Variants in GREB1 observed in about 807,000 individuals in gnomAD.
The protein encoded by GREB1 is protein GREB1.
GREB1 carries 106 observed loss-of-function variants against 200.7 expected under a neutral mutation model. That is an observed-to-expected ratio of 0.53 (90% CI 0.45 to 0.62). The LOEUF (loss-of-function observed/expected upper bound fraction) is 0.62. Ranked by LOEUF, GREB1 falls within the 20% of genes least tolerant of loss-of-function variation. The probability of loss-of-function intolerance (pLI) is 0.00; values close to 1 mark genes in which losing one functional copy is unlikely to be tolerated. For synonymous variants in GREB1, 1,132 were observed against 1,092.4 expected (o/e 1.04, Z -0.72); for missense variants, 2,243 against 2,556.8 (o/e 0.88, Z 2.65).
intron 4 of GREB1, among the ~76,000 whole-genome samples, chr2:11,568,466 G>A (rs767106756): frequency 6.6e-6 from 1 of 152,240 alleles, no homozygotes; most frequent in Non-Finnish European, 1.5e-5. Context: ...TGGAGTCACT[G>A]TAACTAGTTC....
At chr2:11,497,443 G>A (rs1028070959) in intron 1 of GREB1, among the ~76,000 whole-genome samples, 4 of 152,150 alleles carry the variant, frequency 2.6e-5, no homozygotes, top group African/African-American at 7.2e-5. Context: ...CTTGTGTACA[G>A]GTTTTTGTGT....
intron 1 of GREB1, among the ~76,000 whole-genome samples, chr2:11,491,701 G>GGTCTTAAGTAAT (rs1326772840): frequency 2.0e-5 from 3 of 152,164 alleles, no homozygotes; most frequent in Non-Finnish European, 4.4e-5. Flanking sequence ...GCATGTAGTA[G>GGTCTTAAGTAAT]GTCTTAAGTA....
At chr2:11,506,724 T>G (rs1391237051) in intron 1 of GREB1, among the ~76,000 whole-genome samples, 2 of 152,134 alleles carry the variant, frequency 1.3e-5, no homozygotes, top group Non-Finnish European at 2.9e-5. Flanking sequence ...TGGGGAGGCT[T>G]GGGAACTGGC....
rs1274830263 is a variant in GREB1 at position 11,632,963 on chromosome 2, G to C, written c.4891G>C (p.Gly1631Arg). ...CGAGCGGAACCGGCAGGAGGAGCTGGGAATCAAGCCGCAGGACATCTGGCC... is the reference window on the plus strand; with the variant it reads ...CGAGCGGAACCGGCAGGAGGAGCTGCGAATCAAGCCGCAGGACATCTGGCC... ...ELERNRQEEL[G>R]IKPQDIWPFI... is the part of the protein sequence containing the mutation. The change falls in exon 28 of 33, where the codon GGA (glycine) becomes CGA (arginine). Residue 1631 changes from glycine (G) to arginine (R), a missense_variant. Coordinates refer to ENST00000381486, the MANE Select transcript of GREB1 (RefSeq NM_014668.4). 6.2e-7 allele frequency: 1 copy of C among 1,614,174 alleles called. No individual in the cohort carries two copies. Among genetic ancestry groups the C allele is most frequent in the Non-Finnish European group, 8.5e-7 (1 of 1,180,022 alleles).
intron 1 of GREB1, among the ~76,000 whole-genome samples, chr2:11,486,539 A>G (rs1459252259): frequency 6.6e-6 from 1 of 152,060 alleles, no homozygotes; most frequent in Non-Finnish European, 1.5e-5. Context: ...AAATTTAAGA[A>G]AATACAGAAG....
chr2:11,515,310 T>C (rs1045609545), intron 1 of GREB1, among the ~76,000 whole-genome samples: 1 of 152,218 alleles, frequency 6.6e-6, no homozygotes, highest in African/African-American at 2.4e-5. Flanking sequence ...GATGATGTGC[T>C]CAAAGAACAG....
At chr2:11,514,406 C>T (rs13430148) in intron 1 of GREB1, among the ~76,000 whole-genome samples, 23,528 of 152,174 alleles carry the variant, frequency 0.15, 2,076 homozygotes, top group African/African-American at 0.23. Context: ...AGATCCTACA[C>T]CCTTTTCACT....
At chr2:11,627,355 T>C (rs1162545911) in intron 25 of GREB1, among the ~76,000 whole-genome samples, 4 of 152,212 alleles carry the variant, frequency 2.6e-5, no homozygotes, top group Admixed American at 6.5e-5. Context: ...TCGTCATCTT[T>C]AGGTCCCAAT....
rs56763287 is a variant in GREB1 at position 11,548,176 on chromosome 2, C to CAAA, written c.-161-8267_-161-8265dup. Among the ~76,000 whole-genome samples the CAAA allele has an allele frequency of 2.2e-5, 3 of 136,884 alleles. No homozygotes were observed. The highest frequency in any genetic ancestry group is 8.0e-5 in the African/African-American group (3 of 37,702). The allele number at this position is 136,884 out of a possible 152,430, so 89.8% of individuals were successfully genotyped here. A position where few individuals can be genotyped will look rare whatever the true frequency, so the allele number is the denominator to read the frequency against. ...GGGCAACAGAGCAAGACCCTGTCTC[C>CAAA]AAAAAAAAAAAAACCCACCACACAT... On this transcript the variant is annotated intron_variant, in intron 1 of 32. Transcript: ENST00000381486. The surrounding 1 kb of genome is among the most constrained non-coding windows in gnomAD (Gnocchi z 5.1).
chr2:11,587,717 AC>A, intron 9 of GREB1: 1 of 1,183,034 alleles, frequency 8.5e-7, no homozygotes, highest in Non-Finnish European at 1.0e-6. Flanking sequence ...ACACACACAC[AC>A]ACACACACAC....
rs776526770 is a variant in GREB1, at chr2:11,602,476, G to C, written c.2600G>C (p.Gly867Ala). Residue 867 changes from glycine to alanine, a missense_variant, in exon 17 of 33, where the codon GGA becomes GCA. Physicochemically the swap from Gly to Ala is moderately conservative, Grantham distance 60 (BLOSUM62 0). Transcript: ENST00000381486. ...LSEFIESTLS[G>A]HSLPLLRYDS... ...GAGTTTATTGAATCCACCCTTTCAGGACACAGCCTCCCCTTGCTCAGATAC... is the reference window on the plus strand; with the variant it reads ...GAGTTTATTGAATCCACCCTTTCAGCACACAGCCTCCCCTTGCTCAGATAC... The C allele has an allele frequency of 1.4e-5, 22 of 1,613,128 alleles. No homozygotes were observed. Among genetic ancestry groups the C allele is most frequent in the Non-Finnish European group, 1.9e-5 (22 of 1,179,198 alleles).
Position 11,492,151 on chromosome 2 carries a change from C to T in GREB1, c.-159+9770C>T, listed in dbSNP as rs780215014. Among the ~76,000 whole-genome samples, 2 of 150,238 alleles carry T rather than the reference C, an allele frequency of 1.3e-5. No individual in the cohort carries two copies. Among genetic ancestry groups the T allele is most frequent in the East Asian group, 1.9e-4 (1 of 5,192 alleles). On this transcript the variant is annotated intron_variant, in intron 1 of 2. Coordinates refer to the GREB1 transcript ENST00000628795. This position sits in a 1 kb window ranked among gnomAD's most constrained non-coding sequence, Gnocchi z 4.0. The stretch of plus-strand genomic sequence containing the variant: ...ATGCATCGTTTCCATGGTCATTTAA[C>T]GTGGCACTTTACTCTGGGATTGTTC...
At position 11,633,729 on chromosome 2, in the gene GREB1, A is replaced by G. The variant is rs1685080728; in HGVS notation, c.4992-402A>G. ...CCTACTCCGATATTAAGAAAGGGAC[A>G]TTGCTGCCCCCCCAGAAACTCCCTT... On this transcript the variant is annotated intron_variant, in intron 28 of 32. Coordinates refer to ENST00000381486, the MANE Select transcript of GREB1 (RefSeq NM_014668.4). This position sits in a 1 kb window ranked among gnomAD's most constrained non-coding sequence, Gnocchi z 4.1. Among the ~76,000 whole-genome samples, 3 of 152,080 alleles carry G rather than the reference A, an allele frequency of 2.0e-5. No individual in the cohort carries two copies. Among genetic ancestry groups the G allele is most frequent in the African/African-American group, 7.2e-5 (3 of 41,428 alleles).
At chr2:11,571,712 A>AT (rs113557904) in intron 4 of GREB1, among the ~76,000 whole-genome samples, 3,154 of 149,156 alleles carry the variant, frequency 0.021, 95 homozygotes, top group African/African-American at 0.069. Flanking sequence ...TGAACCATGC[A>AT]TTTTTTTTTT....
At chr2:11,625,344 A>G (rs770736682) in intron 24 of GREB1, 32 bp downstream of exon 24, 3 of 1,604,134 alleles carry the variant, frequency 1.9e-6, no homozygotes, top group Non-Finnish European at 2.6e-6. Flanking sequence ...TTCACCTTCC[A>G]GAGTGCATGG....
At chr2:11,625,728 G>A (rs967106079) in intron 24 of GREB1, among the ~76,000 whole-genome samples, 5 of 152,154 alleles carry the variant, frequency 3.3e-5, no homozygotes, top group East Asian at 3.8e-4. Context: ...GCAGTGTACC[G>A]GGGCCATTGC....
chr2:11,532,958 C>A (rs1674130984), upstream of GREB1, among the ~76,000 whole-genome samples: 1 of 152,098 alleles, frequency 6.6e-6, no homozygotes, highest in South Asian at 2.1e-4. Context: ...TTCATTTTGC[C>A]AAGAAAACTG....
At position 11,630,129 on chromosome 2, in the gene GREB1, G is replaced by GC; in HGVS notation, c.4611+20_4611+21insC. On this transcript the variant is annotated intron_variant, in intron 26 of 32. Transcript: ENST00000381486. ...GACAAGGTACTGGCTCAGAGACCTA[G>GC]TGGGACAGATCCAAGTGGCTTCAAC... The GC allele has an allele frequency of 6.2e-7, 1 of 1,613,510 alleles. No homozygotes were observed. The highest frequency in any genetic ancestry group is 2.2e-5 in the East Asian group (1 of 44,882).
intron 17 of GREB1, among the ~76,000 whole-genome samples, chr2:11,607,973 A>G (rs1682560842): frequency 6.6e-6 from 1 of 152,158 alleles, no homozygotes; most frequent in Admixed American, 6.5e-5. Flanking sequence ...CTCACTGCAC[A>G]GTGTCTTCCT....
Sources: gnomAD v4.1 joint callset for allele counts (sites outside exome capture counted in the v4.1 genomes callset) on GRCh38, gnomAD v4.1.1 for gene constraint, Gnocchi (gnomAD v3.1) non-coding constraint, MANE v1.5 for transcripts, NCBI Gene and HGNC (gene_info 2026-07-23, HGNC 2026-07-21) for gene names.